The following SEC24D variants were observed in gnomAD, a reference collection of about 807,000 sequenced individuals.
SEC24D encodes SEC24 homolog D, COPII component.
A neutral mutation model predicts 116.9 loss-of-function variants in SEC24D; 69 were observed. The ratio of observed to expected loss-of-function variants is 0.59; its 90% CI spans 0.49 to 0.72. The LOEUF is 0.72. Ranked by LOEUF, SEC24D falls within the 30% of genes least tolerant of loss-of-function variation. SEC24D has a pLI of 0.00. For missense variants in SEC24D, 1,131 were observed against 1,264.1 expected (o/e 0.89, Z 1.60); for synonymous variants, 405 against 442.8 (o/e 0.91, Z 1.07).
intron 11 of SEC24D, among the ~76,000 whole-genome samples, chr4:118,757,039 T>G (rs1240441238): frequency 6.6e-6 from 1 of 152,178 alleles, no homozygotes; most frequent in Non-Finnish European, 1.5e-5. Context: ...ATATTTCTTA[T>G]GGTAAGACTG....
intron 9 of SEC24D, among the ~76,000 whole-genome samples, chr4:118,767,922 T>A (rs1480182559): frequency 6.6e-6 from 1 of 152,182 alleles, no homozygotes; most frequent in Non-Finnish European, 1.5e-5. Flanking sequence ...AGAAATAAAA[T>A]TTTTCCCCCT....
chr4:118,800,821 A>C (rs567063252), intron 7 of SEC24D, among the ~76,000 whole-genome samples: 1 of 152,238 alleles, frequency 6.6e-6, no homozygotes, highest in Non-Finnish European at 1.5e-5. Context: ...AAGAGTTAGT[A>C]AGTGGCAAAA....
chr4:118,737,354 C>G lies in SEC24D; in HGVS notation c.2496+907G>C, dbSNP rs1726012281. 2.0e-5 allele frequency among the ~76,000 whole-genome samples: 3 copies of G among 152,110 alleles called. No homozygotes were observed. In the South Asian group the frequency reaches 6.2e-4, roughly 32 times the overall value. ...AAAGAATGGATGACTAATTTAATCA[C>G]TTTGGACAGCATGGAAAGGAACTTT... On this transcript the variant is annotated intron_variant, in intron 19 of 22. Coordinates refer to ENST00000280551, the MANE Select transcript of SEC24D (RefSeq NM_014822.4).
rs183895622 is a variant in SEC24D, at chr4:118,734,676, C to T, written c.2497-1764G>A. 2.0e-5 allele frequency among the ~76,000 whole-genome samples: 3 copies of T among 152,314 alleles called. No homozygotes were observed. The East Asian group carries it at 5.8e-4, about 29-fold the overall frequency. ...TAAGGAATGTGGGGAACAGAACTTT[C>T]TAACCGTCTCAGGCAAACGTATTTC... On this transcript the variant is annotated intron_variant, in intron 19 of 22. Transcript: ENST00000280551.
At chr4:118,757,330 T>A (rs181112626) in intron 11 of SEC24D, among the ~76,000 whole-genome samples, 165 of 152,300 alleles carry the variant, frequency 1.1e-3, no homozygotes, top group African/African-American at 3.8e-3. Context: ...ATCTCTGCCA[T>A]AAGACAACAG....
chr4:118,811,985 C>G (rs1729939890), intron 6 of SEC24D, among the ~76,000 whole-genome samples: 1 of 152,162 alleles, frequency 6.6e-6, no homozygotes. Flanking sequence ...ATTTTTGAAT[C>G]TGAGGCAGTC....
chr4:118,772,664 C>T (rs865783668), intron 8 of SEC24D, among the ~76,000 whole-genome samples: 11 of 152,134 alleles, frequency 7.2e-5, no homozygotes, highest in African/African-American at 2.7e-4. Flanking sequence ...AACAATGACA[C>T]GAATGCCCTG....
At chr4:118,810,620 C>CA (rs1235652803) in intron 6 of SEC24D, among the ~76,000 whole-genome samples, 1 of 152,188 alleles carries the variant, frequency 6.6e-6, no homozygotes, top group Non-Finnish European at 1.5e-5. Flanking sequence ...CTTGTTGAAA[C>CA]ACAGATTCCA....
intron 20 of SEC24D, among the ~76,000 whole-genome samples, chr4:118,732,136 C>A (rs186291019): frequency 1.7e-3 from 259 of 151,936 alleles, no homozygotes; most frequent in South Asian, 4.4e-3. Context: ...TACGAGCTGA[C>A]AATTTTATTT....
At chr4:118,822,075 A>G (rs1280218523) in intron 3 of SEC24D, among the ~76,000 whole-genome samples, 1 of 152,206 alleles carries the variant, frequency 6.6e-6, no homozygotes, top group Middle Eastern at 3.2e-3. Flanking sequence ...AGGACAGACA[A>G]GCTATAAACA....
chr4:118,793,249 C>T (rs1303058119), intron 8 of SEC24D, among the ~76,000 whole-genome samples: 2 of 151,868 alleles, frequency 1.3e-5, no homozygotes, highest in African/African-American at 4.8e-5. Flanking sequence ...GGGCGGATCA[C>T]GAGGTCAGGA....
chr4:118,827,414 G>A (rs920276623), intron 2 of SEC24D, among the ~76,000 whole-genome samples: 1 of 152,266 alleles, frequency 6.6e-6, no homozygotes, highest in East Asian at 1.9e-4. Context: ...ACCGTGCAAT[G>A]AGAATGAACT....
In SEC24D at chr4:118,813,173, GA is replaced by G. The variant is rs1262983542; in HGVS notation, c.801+1854del. Reference sequence around the variant, plus strand: ...AGGAATTTTGAGACAGACACCCAGAGAAGAAGACACAAAGAGAAGGAGGACT... The same window carrying G: ...AGGAATTTTGAGACAGACACCCAGAGAGAAGACACAAAGAGAAGGAGGACT... On this transcript the variant is annotated intron_variant, in intron 6 of 22. Coordinates refer to ENST00000280551, the MANE Select transcript of SEC24D (RefSeq NM_014822.4). Among the ~76,000 whole-genome samples, 4 of 152,190 alleles carry G rather than the reference GA, an allele frequency of 2.6e-5. No individual in the cohort carries two copies. In the East Asian group the frequency reaches 7.7e-4, roughly 29 times the overall value.
In SEC24D at chr4:118,731,276, T is replaced by G. The variant is rs1384601258; in HGVS notation, c.2868+40A>C. 7 of 1,519,994 alleles carry G rather than the reference T, an allele frequency of 4.6e-6. No individual in the cohort carries two copies. The East Asian group carries it at 1.1e-4, about 25-fold the overall frequency. 94.2% of individuals were successfully genotyped at this position (1,519,994 alleles called of 1,614,324 possible). A position where few individuals can be genotyped will look rare whatever the true frequency, so the allele number is the denominator to read the frequency against. On this transcript the variant is annotated intron_variant, in intron 21 of 22. Coordinates refer to ENST00000280551, the MANE Select transcript of SEC24D (RefSeq NM_014822.4). ...AAATAAAAACATTTACGAATTTATATTTTTCATATTACCACAAAAGCAATG... is the reference window on the plus strand; with the variant it reads ...AAATAAAAACATTTACGAATTTATAGTTTTCATATTACCACAAAAGCAATG...
chr4:118,782,875 G>T (rs1476848502), intron 8 of SEC24D, among the ~76,000 whole-genome samples: 1 of 152,220 alleles, frequency 6.6e-6, no homozygotes, highest in Admixed American at 6.5e-5. Context: ...CACTAGCCGT[G>T]AGCAAGACTC....
chr4:118,744,583 C>T (rs535551340), intron 14 of SEC24D, among the ~76,000 whole-genome samples: 235 of 152,286 alleles, frequency 1.5e-3, no homozygotes, highest in African/African-American at 5.1e-3. Flanking sequence ...ATTTTGAGAA[C>T]CCCACACCTG....
intron 2 of SEC24D, among the ~76,000 whole-genome samples, chr4:118,829,728 C>G (rs1730759096): frequency 6.6e-6 from 1 of 151,978 alleles, no homozygotes; most frequent in South Asian, 2.1e-4. Flanking sequence ...AGGAAAATCG[C>G]TTGAACCTGG....
intron 6 of SEC24D, among the ~76,000 whole-genome samples, chr4:118,810,148 A>C (rs1178876191): frequency 1.3e-5 from 1 of 75,668 alleles, no homozygotes. Flanking sequence ...CAGAGGGTAT[A>C]GGGGAGCCAG....
At chr4:118,800,110 T>C (rs1578449770) in intron 7 of SEC24D, among the ~76,000 whole-genome samples, 1 of 151,860 alleles carries the variant, frequency 6.6e-6, no homozygotes, top group Non-Finnish European at 1.5e-5. Flanking sequence ...GTGGGCACAG[T>C]GGGAGGATGC....
Sources: gnomAD v4.1 joint callset for allele counts (sites outside exome capture counted in the v4.1 genomes callset) on GRCh38, gnomAD v4.1.1 for gene constraint, MANE v1.5 for transcripts, NCBI Gene and HGNC (gene_info 2026-07-23, HGNC 2026-07-21) for gene names.